Variants in CPSF3 observed in about 807,000 individuals in gnomAD.
CPSF3 encodes cleavage and polyadenylation specific factor 3.
Under a neutral mutation model 84.1 loss-of-function variants are expected in CPSF3, and 57 were observed. The observed-to-expected ratio is 0.68, with a 90% CI of 0.55 to 0.85. CPSF3 has a LOEUF of 0.85. Ranked by LOEUF, CPSF3 falls within the 40% of genes least tolerant of loss-of-function variation. The pLI is 0.00. For synonymous variants in CPSF3, 275 were observed against 278.1 expected (o/e 0.99, Z 0.11); for missense variants, 522 against 838.8 (o/e 0.62, Z 4.66).
At chr2:9,445,941 G>A (rs1026535390) in intron 10 of CPSF3, among the ~76,000 whole-genome samples, 5 of 152,230 alleles carry the variant, frequency 3.3e-5, no homozygotes, top group Admixed American at 3.3e-4. Context: ...TGTTTTATAT[G>A]AACTGACTTG....
intron 16 of CPSF3, among the ~76,000 whole-genome samples, chr2:9,468,230 T>C (rs1486150930): frequency 6.6e-6 from 1 of 152,196 alleles, no homozygotes; most frequent in Non-Finnish European, 1.5e-5. Context: ...TATTTTATTT[T>C]ATTTTATTTC....
Position 9,431,540 on chromosome 2 carries a change from C to T in CPSF3, c.341+660C>T, listed in dbSNP as rs11686085. Reference sequence around the variant, plus strand: ...AAATAAATATACATATTTTTTTTTTCTTTTTTTTTTTCTTTTTTTTTTGAG... The same window carrying T: ...AAATAAATATACATATTTTTTTTTTTTTTTTTTTTTTCTTTTTTTTTTGAG... On this transcript the variant is annotated intron_variant, in intron 4 of 17. Transcript: ENST00000238112. 1.1e-3 allele frequency among the ~76,000 whole-genome samples: 96 copies of T among 83,918 alleles called. 1 individual carries two copies. The highest frequency in any genetic ancestry group is 8.1e-3 in the Middle Eastern group (1 of 124). 55.1% of individuals were successfully genotyped at this position (83,918 alleles called of 152,430 possible). A position where few individuals can be genotyped will look rare whatever the true frequency, so the allele number is the denominator to read the frequency against.
chr2:9,440,541 G>A lies in CPSF3; in HGVS notation c.811G>A (p.Ala271Thr). The A allele has an allele frequency of 1.2e-6, 2 of 1,614,130 alleles. No individual in the cohort carries two copies. The highest frequency in any genetic ancestry group is 1.1e-5 in the South Asian group (1 of 91,086). The change falls in exon 8 of 18, where the codon GCA (alanine) becomes ACA (threonine). Residue 271 changes from alanine (A) to threonine (T), a missense_variant. Coordinates refer to ENST00000238112, the MANE Select transcript of CPSF3 (RefSeq NM_016207.4). ...ACTACATGACATTCCAATATACTAT[G>A]CATCATCTTTGGCCAAGAAGTGTAT... The part of the protein sequence containing the change: ...PELHDIPIYY[A>T]SSLAKKCMAV...
rs869193869 is a variant in CPSF3 at position 9,444,158 on chromosome 2, A to ATTTTT, written c.1242+507_1242+511dup. ...ATATATATTATATATATATATATAT[A>ATTTTT]TTTTTTTTTTTTTTGAGGCGGAGTC... On this transcript the variant is annotated intron_variant, in intron 10 of 17. Transcript: ENST00000238112. 4.1e-4 allele frequency among the ~76,000 whole-genome samples: 51 copies of ATTTTT among 123,164 alleles called. 1 individual carries two copies. The highest frequency in any genetic ancestry group is 1.9e-3 in the African/African-American group (51 of 26,428). 80.8% of individuals were successfully genotyped at this position (123,164 alleles called of 152,430 possible). A position where few individuals can be genotyped will look rare whatever the true frequency, so the allele number is the denominator to read the frequency against.
chr2:9,459,716 C>T, intron 15 of CPSF3, 98 bp downstream of exon 15: 1 of 548,908 alleles, frequency 1.8e-6, no homozygotes, highest in Non-Finnish European at 2.9e-6. Flanking sequence ...GTGGCACGAT[C>T]TCAGCTCACT....
Position 9,423,760 on chromosome 2 carries a change from C to T in CPSF3, c.-14C>T. ...ACCTGTTCCTCACCCCCGCTTCGCC[C>T]TCACACTTTCGGGATGTCTGCGATT... On this transcript the variant is annotated 5_prime_UTR_variant, in exon 1 of 18. Coordinates refer to ENST00000238112, the MANE Select transcript of CPSF3 (RefSeq NM_016207.4). 4 of 1,613,312 alleles carry T rather than the reference C, an allele frequency of 2.5e-6. No homozygotes were observed. Among genetic ancestry groups the T allele is most frequent in the South Asian group, 1.1e-5 (1 of 90,928 alleles).
chr2:9,472,815 AT>A, intron 17 of CPSF3, 100 bp from the exon 18 acceptor site: 1 of 867,624 alleles, frequency 1.2e-6, no homozygotes, highest in Non-Finnish European at 1.9e-6. Flanking sequence ...CAGCTGGCTA[AT>A]TTTTTATGAG....
intron 6 of CPSF3, among the ~76,000 whole-genome samples, chr2:9,434,722 C>CA (rs1463450153): frequency 1.3e-5 from 2 of 151,660 alleles, no homozygotes; most frequent in Admixed American, 6.6e-5. Context: ...CCCAGGGGAG[C>CA]AAAAAAAATG....
chr2:9,443,500 C>T lies in CPSF3; in HGVS notation c.1096-15C>T, dbSNP rs768086759. The stretch of plus-strand genomic sequence containing the variant: ...CTGGGTAGTTTGTTTTGTTATTTTT[C>T]TTTATTTTCCACAGCACATCATGTC... On this transcript the variant is annotated splice_polypyrimidine_tract_variant and intron_variant, in intron 9 of 17. Transcript: ENST00000238112. 6.3e-7 allele frequency: 1 copy of T among 1,591,988 alleles called. No homozygotes were observed. Among genetic ancestry groups the T allele is most frequent in the South Asian group, 1.1e-5 (1 of 88,590 alleles).
At chr2:9,449,963 A>C (rs1282175605) in intron 11 of CPSF3, among the ~76,000 whole-genome samples, 1 of 151,952 alleles carries the variant, frequency 6.6e-6, no homozygotes, top group Non-Finnish European at 1.5e-5. Flanking sequence ...AGGAATTGAA[A>C]TCATTATGTT....
intron 15 of CPSF3, among the ~76,000 whole-genome samples, chr2:9,460,199 G>A (rs2124858097): frequency 6.6e-6 from 1 of 152,168 alleles, no homozygotes; most frequent in South Asian, 2.1e-4. Flanking sequence ...GTCAGGCCGG[G>A]CGCACGGATC....
chr2:9,456,357 A>G (rs1379487144), intron 13 of CPSF3, among the ~76,000 whole-genome samples: 3 of 152,242 alleles, frequency 2.0e-5, no homozygotes, highest in Non-Finnish European at 4.4e-5. Flanking sequence ...TACATTTTCC[A>G]TCAGTAACGC....
At chr2:9,467,365 C>T (rs532631466) in intron 15 of CPSF3, among the ~76,000 whole-genome samples, 11 of 151,946 alleles carry the variant, frequency 7.2e-5, no homozygotes, top group Non-Finnish European at 7.4e-5. Context: ...GTTAATTGCC[C>T]GTGGTCATAA....
At chr2:9,471,576 A>G in intron 17 of CPSF3, 137 bp downstream of exon 17, 1 of 627,808 alleles carries the variant, frequency 1.6e-6, no homozygotes, top group Non-Finnish European at 2.9e-6. Context: ...TTTTTTTCAC[A>G]TTGTTCTTTT....
chr2:9,425,569 T>C (rs964619742), intron 1 of CPSF3, among the ~76,000 whole-genome samples: 1 of 152,054 alleles, frequency 6.6e-6, no homozygotes, highest in African/African-American at 2.4e-5. Context: ...TGATCAGCTG[T>C]ATCTGGAAGG....
chr2:9,450,702 C>T (rs1024798154), intron 11 of CPSF3, among the ~76,000 whole-genome samples: 4 of 152,048 alleles, frequency 2.6e-5, no homozygotes, highest in Non-Finnish European at 4.4e-5. Flanking sequence ...GCAGGAGAAT[C>T]GCTTGAACCT....
At chr2:9,442,676 C>T (rs1241222224) in intron 9 of CPSF3, among the ~76,000 whole-genome samples, 1 of 152,010 alleles carries the variant, frequency 6.6e-6, no homozygotes, top group South Asian at 2.1e-4. Flanking sequence ...CATGGCGAAA[C>T]CCCGTCTCTA....
Position 9,429,938 on chromosome 2 carries a change from C to T in CPSF3, c.130C>T (p.His44Tyr). The change falls in exon 3 of 18, where the codon CAC becomes TAC. Residue 44 changes from histidine (H) to tyrosine (Y), a missense_variant. By Grantham distance (83) the His-to-Tyr change is moderately conservative. Around this residue, in one of 2 missense-constraint regions of CPSF3, gnomAD observed 329 missense variants for 607.2 expected, o/e 0.54. Transcript: ENST00000238112. ...GRKIMLDCGI[H>Y]PGLEGMDALP... ...TTTCTTTCAGCTCGACTGTGGGATCCACCCTGGCCTAGAAGGAATGGATGC... is the reference window on the plus strand; with the variant it reads ...TTTCTTTCAGCTCGACTGTGGGATCTACCCTGGCCTAGAAGGAATGGATGC... 1 of 1,596,082 alleles carries T rather than the reference C, an allele frequency of 6.3e-7. No homozygotes were observed. Among genetic ancestry groups the T allele is most frequent in the African/African-American group, 1.4e-5 (1 of 73,908 alleles).
At chr2:9,457,068 G>A (rs990796207) in intron 14 of CPSF3, 41 bp downstream of exon 14, 4 of 1,160,312 alleles carry the variant, frequency 3.4e-6, no homozygotes, top group Non-Finnish European at 5.0e-6. Context: ...GGGGAAAAAA[G>A]TTTTAAAAAG....
Sources: allele counts gnomAD v4.1 joint callset (sites outside exome capture counted in the v4.1 genomes callset), GRCh38; gene constraint gnomAD v4.1.1; regional missense constraint gnomAD v4.1.1; transcripts MANE v1.5; gene names NCBI Gene and HGNC (gene_info 2026-07-23, HGNC 2026-07-21).